The following EIF2AK3 variants were observed in gnomAD, a reference collection of about 807,000 sequenced individuals.
EIF2AK3 encodes the protein eukaryotic translation initiation factor 2 alpha kinase 3, also known as eukaryotic translation initiation factor 2-alpha kinase 3.
Under a neutral mutation model 113.5 loss-of-function variants are expected in EIF2AK3, and 50 were observed. That is an observed-to-expected ratio of 0.44 (90% CI 0.35 to 0.56). EIF2AK3 has a LOEUF of 0.56. Among genes scored for constraint, EIF2AK3 ranks in the 20% least tolerant of loss-of-function variants. EIF2AK3 has a pLI of 0.00. For synonymous variants in EIF2AK3, 448 were observed against 495.4 expected (o/e 0.90, Z 1.27); for missense variants, 1,185 against 1,378.0 (o/e 0.86, Z 2.22).
chr2:88,557,510 C>CG lies in EIF2AK3; in HGVS notation c.*225_*226insC. On this transcript the variant is annotated 3_prime_UTR_variant, in exon 17 of 17. Transcript: ENST00000303236. ...TTGGCCAGCAGCCAGTTTCAAGAGACTAACAAAGAACAAAGATAGCCCTTT... is the reference window on the plus strand; with the variant it reads ...TTGGCCAGCAGCCAGTTTCAAGAGACGTAACAAAGAACAAAGATAGCCCTTT... The CG allele has an allele frequency of 3.5e-6, 2 of 573,804 alleles. No individual in the cohort carries two copies. Among genetic ancestry groups the CG allele is most frequent in the East Asian group, 6.1e-5 (2 of 32,588 alleles). The allele number at this position is 573,804 out of a possible 1,614,324, so 35.5% of individuals were successfully genotyped here. A position where few individuals can be genotyped will look rare whatever the true frequency, so the allele number is the denominator to read the frequency against.
chr2:88,616,151 ATAGCTT>A (rs756518843), intron 1 of EIF2AK3, among the ~76,000 whole-genome samples: 1 of 152,024 alleles, frequency 6.6e-6, no homozygotes, highest in Non-Finnish European at 1.5e-5. Context: ...ATCCAGTCTC[ATAGCTT>A]TAAATACCAT....
chr2:88,613,921 T>C (rs1262811172), intron 1 of EIF2AK3, 68 bp from the exon 2 acceptor site: 1 of 1,464,862 alleles, frequency 6.8e-7, no homozygotes, highest in African/African-American at 1.4e-5. Context: ...TCCCACATGC[T>C]CAAAAGAAAA....
intron 1 of EIF2AK3, among the ~76,000 whole-genome samples, chr2:88,626,301 T>C (rs1476801049): frequency 6.6e-6 from 1 of 152,210 alleles, no homozygotes; most frequent in East Asian, 1.9e-4. Context: ...AGAACCAATA[T>C]TCAAGAATCT....
intron 1 of EIF2AK3, among the ~76,000 whole-genome samples, chr2:88,618,278 T>C (rs1458283866): frequency 6.6e-6 from 1 of 152,144 alleles, no homozygotes; most frequent in Non-Finnish European, 1.5e-5. Context: ...CCAAGACCAC[T>C]TGCCCTATTT....
chr2:88,597,834 T>C (rs189000573), intron 2 of EIF2AK3, among the ~76,000 whole-genome samples: 204 of 152,334 alleles, frequency 1.3e-3, no homozygotes, highest in African/African-American at 4.7e-3. Context: ...AATTGTTCAC[T>C]GTACCTCCAA....
chr2:88,591,068 G>A lies in EIF2AK3; in HGVS notation c.768-16C>T. ...GAAATTCCACCTTAAATTTACAAAG[G>A]TGTGTTTTAGAAATTTACATTTAAA... On this transcript the variant is annotated splice_polypyrimidine_tract_variant and intron_variant, in intron 4 of 16. Transcript: ENST00000303236. 6.2e-7 allele frequency: 1 copy of A among 1,608,728 alleles called. No individual in the cohort carries two copies. The highest frequency in any genetic ancestry group is 8.5e-7 in the Non-Finnish European group (1 of 1,175,324).
At chr2:88,615,746 A>G (rs530663518) in intron 1 of EIF2AK3, among the ~76,000 whole-genome samples, 1 of 152,332 alleles carries the variant, frequency 6.6e-6, no homozygotes, top group African/African-American at 2.4e-5. Context: ...CTCCTCAAGC[A>G]TCCAATCTAC....
intron 4 of EIF2AK3, among the ~76,000 whole-genome samples, chr2:88,592,006 A>C (rs1674898684): frequency 6.6e-6 from 1 of 152,220 alleles, no homozygotes; most frequent in Non-Finnish European, 1.5e-5. Context: ...AGTTTGAGAA[A>C]ACAGTTTTCA....
At chr2:88,577,468 T>C (rs1042478823) in intron 11 of EIF2AK3, among the ~76,000 whole-genome samples, 2 of 151,874 alleles carry the variant, frequency 1.3e-5, no homozygotes, top group African/African-American at 2.4e-5. Flanking sequence ...TATCTTTTTT[T>C]TTTTTTTTCC....
intron 10 of EIF2AK3, among the ~76,000 whole-genome samples, chr2:88,582,020 G>A (rs970128130): frequency 6.6e-6 from 1 of 152,178 alleles, no homozygotes; most frequent in African/African-American, 2.4e-5. Context: ...TCAAGGGATG[G>A]AAATGCGAGT....
chr2:88,583,128 CTAAT>C (rs1163003130), intron 10 of EIF2AK3, among the ~76,000 whole-genome samples: 1 of 151,948 alleles, frequency 6.6e-6, no homozygotes, highest in African/African-American at 2.4e-5. Context: ...TCTTATAAAC[CTAAT>C]TATTATCTGG....
chr2:88,606,414 G>A (rs1431228716), intron 2 of EIF2AK3, among the ~76,000 whole-genome samples: 1 of 152,162 alleles, frequency 6.6e-6, no homozygotes, highest in Admixed American at 6.5e-5. Flanking sequence ...GCCATGCTAA[G>A]GGATTAATAT....
chr2:88,566,292 ATTTC>A (rs1443671096), intron 14 of EIF2AK3, among the ~76,000 whole-genome samples: 2 of 151,974 alleles, frequency 1.3e-5, no homozygotes, highest in Non-Finnish European at 2.9e-5. Flanking sequence ...ACTATTTTTC[ATTTC>A]TTTCATTTTT....
Position 88,574,720 on chromosome 2 carries a change from G to C in EIF2AK3, c.2763C>G (p.Ile921Met). ...TGTGAAGAAACTCCACTGCCTCTGC[G>C]ATCTGCAGGAAGATGTGCAGACACA... ...RSVCLHIFLQ[I>M]AEAVEFLHSK... Residue 921 changes from isoleucine to methionine, a missense_variant, in exon 13 of 17, where the codon ATC (isoleucine) becomes ATG (methionine). Ile to Met is a conservative substitution (Grantham distance 10). Coordinates refer to ENST00000303236, the MANE Select transcript of EIF2AK3 (RefSeq NM_004836.7). The C allele has an allele frequency of 6.2e-7, 1 of 1,614,132 alleles. No individual in the cohort carries two copies. The highest frequency in any genetic ancestry group is 8.5e-7 in the Non-Finnish European group (1 of 1,180,022).
Position 88,627,342 on chromosome 2 carries a change from G to A in EIF2AK3, c.-68C>T. 7 of 1,416,334 alleles carry A rather than the reference G, an allele frequency of 4.9e-6. No individual in the cohort carries two copies. Among genetic ancestry groups the A allele is most frequent in the Non-Finnish European group, 6.5e-6 (7 of 1,084,480 alleles). The allele number at this position is 1,416,334 out of a possible 1,614,324, so 87.7% of individuals were successfully genotyped here. A position where few individuals can be genotyped will look rare whatever the true frequency, so the allele number is the denominator to read the frequency against. On this transcript the variant is annotated 5_prime_UTR_variant, in exon 1 of 17. Coordinates refer to ENST00000303236, the MANE Select transcript of EIF2AK3 (RefSeq NM_004836.7). ...ACGCCTGCCTCTCCCGCCGCTTGGA[G>A]CTCCCAAGAAGGCAAGGACGTGCTA...
chr2:88,574,642 G>C (rs753765579), intron 13 of EIF2AK3, 24 bp downstream of exon 13: 1 of 1,613,224 alleles, frequency 6.2e-7, no homozygotes, highest in African/African-American at 1.3e-5. Flanking sequence ...GAAACCCCAA[G>C]GGTGATGCTC....
chr2:88,590,313 G>A, intron 6 of EIF2AK3, 130 bp downstream of exon 6: 2 of 914,358 alleles, frequency 2.2e-6, no homozygotes, highest in East Asian at 2.5e-5. Context: ...AAATCTCAAG[G>A]GCAACGTACA....
At chr2:88,599,958 G>C (rs1675110873) in intron 2 of EIF2AK3, among the ~76,000 whole-genome samples, 1 of 152,124 alleles carries the variant, frequency 6.6e-6, no homozygotes, top group Non-Finnish European at 1.5e-5. Context: ...AAAGATTCAA[G>C]ATTTGATATC....
chr2:88,625,326 C>CACAA (rs1202293982), intron 1 of EIF2AK3, among the ~76,000 whole-genome samples: 8 of 130,798 alleles, frequency 6.1e-5, no homozygotes, highest in Non-Finnish European at 1.0e-4. Flanking sequence ...CACACACACA[C>CACAA]AGACATACAC....
Sources: allele counts gnomAD v4.1 joint callset (sites outside exome capture counted in the v4.1 genomes callset), GRCh38; gene constraint gnomAD v4.1.1; transcripts MANE v1.5; gene names NCBI Gene and HGNC (gene_info 2026-07-23, HGNC 2026-07-21).